Variants in MTHFD1L observed in about 807,000 individuals in gnomAD.
MTHFD1L encodes the protein methylenetetrahydrofolate dehydrogenase (NADP+ dependent) 1 like.
Under a neutral mutation model 119.5 loss-of-function variants are expected in MTHFD1L, and 81 were observed. The ratio of observed to expected loss-of-function variants is 0.68; its 90% CI spans 0.57 to 0.82. The LOEUF (loss-of-function observed/expected upper bound fraction) is 0.82, where lower values mean the gene tolerates loss of function less well. MTHFD1L is among the 40% of genes least tolerant of loss of function. MTHFD1L has a pLI of 0.00. For synonymous variants in MTHFD1L, 430 were observed against 475.2 expected (o/e 0.90, Z 1.24); for missense variants, 1,125 against 1,253.4 (o/e 0.90, Z 1.55).
intron 20 of MTHFD1L, 114 bp from the exon 21 acceptor site, chr6:151,009,705 T>C: frequency 8.2e-7 from 1 of 1,216,532 alleles, no homozygotes; most frequent in East Asian, 2.4e-5. Flanking sequence ...ACCTTTGTGT[T>C]GGTAAACAAA....
At chr6:150,933,015 C>G (rs1791421064) in intron 11 of MTHFD1L, among the ~76,000 whole-genome samples, 1 of 152,062 alleles carries the variant, frequency 6.6e-6, no homozygotes, top group African/African-American at 2.4e-5. Context: ...AATTTTGATA[C>G]CAAATACAGG....
intron 26 of MTHFD1L, among the ~76,000 whole-genome samples, chr6:151,049,613 G>C (rs141485200): frequency 0.032 from 4,683 of 147,904 alleles, 142 homozygotes; most frequent in Admixed American, 0.1. Flanking sequence ...AGTGAGTTGA[G>C]ATCCTGCCAC....
intron 27 of MTHFD1L, among the ~76,000 whole-genome samples, chr6:151,098,719 A>G (rs1410932252): frequency 6.6e-6 from 1 of 152,232 alleles, no homozygotes; most frequent in East Asian, 1.9e-4. Flanking sequence ...ATCTTCCAAG[A>G]TATTTTCCCA....
intron 26 of MTHFD1L, among the ~76,000 whole-genome samples, chr6:151,061,257 C>T (rs118183739): frequency 0.032 from 4,892 of 152,210 alleles, 156 homozygotes; most frequent in Admixed American, 0.099. Flanking sequence ...GGAGCTCAGG[C>T]GCAAGCTTCC....
intron 18 of MTHFD1L, among the ~76,000 whole-genome samples, chr6:150,963,896 G>A (rs1771803): frequency 0.46 from 69,790 of 152,116 alleles, 16,945 homozygotes; most frequent in South Asian, 0.56. Context: ...GGCCGGGCAC[G>A]GTGGCTCACG....
At position 150,867,818 on chromosome 6, in the gene MTHFD1L, G is replaced by C. The variant is rs549415202; in HGVS notation, c.227+1769G>C. ...TCTTTTTTTTTTTTTTTTTTTTTGA[G>C]ACGGAGTCTTGCTCTGTCACTCAGG... On this transcript the variant is annotated intron_variant, in intron 1 of 27. Coordinates refer to ENST00000367321, the MANE Select transcript of MTHFD1L (RefSeq NM_015440.5). Among the ~76,000 whole-genome samples, 638 of 121,454 alleles carry C rather than the reference G, an allele frequency of 5.3e-3. 4 individuals carry two copies. Among genetic ancestry groups the C allele is most frequent in the African/African-American group, 0.02 (601 of 30,538 alleles). 79.7% of individuals were successfully genotyped at this position (121,454 alleles called of 152,430 possible).
At chr6:150,977,330 T>C (rs559355756) in intron 20 of MTHFD1L, among the ~76,000 whole-genome samples, 19 of 152,320 alleles carry the variant, frequency 1.2e-4, no homozygotes, top group African/African-American at 3.6e-4. Flanking sequence ...TCTAAGATAA[T>C]AGAATCAGTA....
intron 20 of MTHFD1L, among the ~76,000 whole-genome samples, chr6:150,980,949 C>G (rs1319274520): frequency 6.6e-6 from 1 of 151,768 alleles, no homozygotes; most frequent in East Asian, 1.9e-4. Flanking sequence ...CATTAATGGC[C>G]CAGCAATTTT....
chr6:150,881,291 A>T (rs1371307855), intron 4 of MTHFD1L, among the ~76,000 whole-genome samples: 1 of 152,108 alleles, frequency 6.6e-6, no homozygotes, highest in East Asian at 1.9e-4. Flanking sequence ...GCCTACTTTC[A>T]TTCTTCTGCA....
intron 12 of MTHFD1L, 78 bp from the exon 13 acceptor site, chr6:150,938,621 C>A: frequency 6.7e-7 from 1 of 1,493,010 alleles, no homozygotes; most frequent in South Asian, 1.2e-5. Flanking sequence ...GTTTGGGGAG[C>A]TGTGTCCCTT....
At chr6:151,088,144 T>A (rs1794005414) in intron 26 of MTHFD1L, 1 of 152,118 alleles carries the variant, frequency 6.6e-6, no homozygotes, top group African/African-American at 2.4e-5. Flanking sequence ...ATGCATAAGG[T>A]CTTGCTAACA....
At chr6:150,884,316 A>G (rs932600907) in intron 5 of MTHFD1L, among the ~76,000 whole-genome samples, 1 of 151,394 alleles carries the variant, frequency 6.6e-6, no homozygotes, top group Non-Finnish European at 1.5e-5. Flanking sequence ...TAATTTTTGT[A>G]CTTTTAGTAG....
At chr6:150,923,803 A>G (rs1036142464) in intron 10 of MTHFD1L, among the ~76,000 whole-genome samples, 4 of 151,986 alleles carry the variant, frequency 2.6e-5, no homozygotes, top group Non-Finnish European at 5.9e-5. Flanking sequence ...TCATCCCTGC[A>G]ATAGACGAAA....
intron 26 of MTHFD1L, among the ~76,000 whole-genome samples, chr6:151,046,517 A>T (rs1788106741): frequency 8.2e-6 from 1 of 122,360 alleles, no homozygotes; most frequent in Non-Finnish European, 1.7e-5. Context: ...ATATATATAG[A>T]CTCATTTTTC....
intron 20 of MTHFD1L, among the ~76,000 whole-genome samples, chr6:151,003,261 G>T (rs143996350): frequency 1.3e-5 from 2 of 152,184 alleles, no homozygotes; most frequent in Non-Finnish European, 2.9e-5. Flanking sequence ...GCCGGGCGCC[G>T]TGGCTCACGC....
chr6:150,975,792 C>T (rs1232470312), intron 20 of MTHFD1L, among the ~76,000 whole-genome samples: 7 of 152,208 alleles, frequency 4.6e-5, no homozygotes, highest in African/African-American at 1.7e-4. Context: ...GACGTCCTCA[C>T]ACTTTTGGCA....
intron 4 of MTHFD1L, 123 bp from the exon 5 acceptor site, chr6:150,882,639 G>T: frequency 1.4e-6 from 1 of 704,670 alleles, no homozygotes; most frequent in Non-Finnish European, 2.1e-6. Flanking sequence ...CCAACAAGGA[G>T]CAAAACAACA....
chr6:151,011,646 A>T (rs1030464214), intron 21 of MTHFD1L, among the ~76,000 whole-genome samples: 2 of 152,226 alleles, frequency 1.3e-5, no homozygotes, highest in African/African-American at 4.8e-5. Flanking sequence ...CAGTGGTTGC[A>T]CTTTCGTGCC....
In MTHFD1L at chr6:150,926,221, C is replaced by T; in HGVS notation, c.1182C>T (p.Ser394=). 6.2e-7 allele frequency: 1 copy of T among 1,614,030 alleles called. No homozygotes were observed. Among genetic ancestry groups the T allele is most frequent in the South Asian group, 1.1e-5 (1 of 91,062 alleles). ...ATGAAATTGAAATCTATGGCAAAAG[C>T]AAAGCCAAAGTACGTTTGTCCGTGC... ...LADEIEIYGK[S]KAKVRLSVLE... Residue 394 remains serine (S), a synonymous_variant, in exon 11 of 28, where the codon AGC becomes AGT. Coordinates refer to ENST00000367321, the MANE Select transcript of MTHFD1L (RefSeq NM_015440.5). The surrounding 1 kb of genome is among the most constrained non-coding windows in gnomAD (Gnocchi z 4.3).
Sources: allele counts gnomAD v4.1 joint callset (sites outside exome capture counted in the v4.1 genomes callset), GRCh38; gene constraint gnomAD v4.1.1; non-coding constraint Gnocchi (gnomAD v3.1); transcripts MANE v1.5; gene names NCBI Gene and HGNC (gene_info 2026-07-23, HGNC 2026-07-21).